PTPRD: variants seen among roughly 807,000 people sequenced by gnomAD.
PTPRD encodes the protein protein tyrosine phosphatase receptor type D.
PTPRD carries 34 observed loss-of-function variants against 214.5 expected under a neutral mutation model. The observed-to-expected ratio is 0.16, with a 90% CI of 0.12 to 0.21. The LOEUF (loss-of-function observed/expected upper bound fraction) is 0.21. Ranked by LOEUF, PTPRD falls within the 10% of genes least tolerant of loss-of-function variation. The pLI, the probability that PTPRD is intolerant of heterozygous loss-of-function variation, is 1.00. For synonymous variants in PTPRD, 1,128 were observed against 845.7 expected, an observed-to-expected ratio of 1.33 and a Z score of -5.79; for missense variants, 2,545 against 2,398.7, an observed-to-expected ratio of 1.06 and a Z score of -1.27.
At chr9:9,982,718 G>C (rs559309636) in intron 4 of PTPRD, among the ~76,000 whole-genome samples, 1 of 151,846 alleles carries the variant, frequency 6.6e-6, no homozygotes, top group Non-Finnish European at 1.5e-5. Context: ...GATGCTATCT[G>C]TTAAGGTCTC....
chr9:10,103,838 G>T (rs900497242), intron 3 of PTPRD, among the ~76,000 whole-genome samples: 2 of 151,550 alleles, frequency 1.3e-5, no homozygotes, highest in African/African-American at 2.4e-5. Context: ...ATTAAAAGTG[G>T]AGTTAAAGAA....
Position 9,066,738 on chromosome 9 carries a change from A to G in PTPRD, c.-142-48003T>C, listed in dbSNP as rs916359305. Among the ~76,000 whole-genome samples, 23 of 152,332 alleles carry G rather than the reference A, an allele frequency of 1.5e-4. 1 individual carries two copies. The Middle Eastern group carries it at 0.014, about 90-fold the overall frequency. ...AGGCAGAGATTGAAATGATACAGCC[A>G]TAAGCCCGACCATGGGGTAGCTATC... On this transcript the variant is annotated intron_variant, in intron 10 of 45. Coordinates refer to ENST00000381196, the MANE Select transcript of PTPRD (RefSeq NM_002839.4).
At position 9,403,065 on chromosome 9, in the gene PTPRD, G is replaced by A. The variant is rs540081863; in HGVS notation, c.-236-5583C>T. Among the ~76,000 whole-genome samples, 5 of 150,642 alleles carry A rather than the reference G, an allele frequency of 3.3e-5. No homozygotes were observed. In the East Asian group the frequency reaches 9.8e-4, roughly 30 times the overall value. ...AGCACTTTGGCAGCCAAAGGCGAGT[G>A]GATCACTTGAGGTTAGAAATTCAAG... On this transcript the variant is annotated intron_variant, in intron 8 of 45. Transcript: ENST00000381196.
chr9:9,979,373 T>G (rs2095465649), intron 4 of PTPRD, among the ~76,000 whole-genome samples: 1 of 152,086 alleles, frequency 6.6e-6, no homozygotes, highest in African/African-American at 2.4e-5. Flanking sequence ...TTTTAAAATT[T>G]AACAGTTAAG....
chr9:9,047,216 A>T (rs1487626537), intron 10 of PTPRD, among the ~76,000 whole-genome samples: 1 of 152,136 alleles, frequency 6.6e-6, no homozygotes, highest in Non-Finnish European at 1.5e-5. Context: ...AAATCTCTAT[A>T]ATGAAAACTA....
intron 26 of PTPRD, among the ~76,000 whole-genome samples, chr9:8,496,952 G>C (rs965377351): frequency 6.6e-6 from 1 of 152,138 alleles, no homozygotes; most frequent in Non-Finnish European, 1.5e-5. Context: ...CAACACCCCT[G>C]TGTTTTAAAG....
At chr9:9,743,663 G>A (rs1016425509) in intron 6 of PTPRD, among the ~76,000 whole-genome samples, 2 of 149,468 alleles carry the variant, frequency 1.3e-5, no homozygotes, top group Non-Finnish European at 3.0e-5. Context: ...GACAGAAGAA[G>A]AAATGAAAAC....
At chr9:8,535,438 A>G (rs2076696943) in intron 14 of PTPRD, among the ~76,000 whole-genome samples, 2 of 151,962 alleles carry the variant, frequency 1.3e-5, no homozygotes, top group Non-Finnish European at 2.9e-5. Context: ...TTGATTAATC[A>G]ACAGTACAAA....
intron 11 of PTPRD, among the ~76,000 whole-genome samples, chr9:8,798,573 A>C (rs2096496628): frequency 6.6e-6 from 1 of 152,224 alleles, no homozygotes; most frequent in Admixed American, 6.5e-5. Flanking sequence ...TGCATTCAAA[A>C]GCTAGTATAC....
At chr9:9,843,643 C>T (rs536163585) in intron 5 of PTPRD, among the ~76,000 whole-genome samples, 37 of 151,962 alleles carry the variant, frequency 2.4e-4, no homozygotes, top group African/African-American at 8.9e-4. Flanking sequence ...ATAAAAGTAA[C>T]AGCAATAGAT....
At chr9:8,351,035 G>T (rs113505814) in intron 39 of PTPRD, among the ~76,000 whole-genome samples, 64 of 152,274 alleles carry the variant, frequency 4.2e-4, no homozygotes, top group African/African-American at 1.5e-3. Flanking sequence ...TTGTAGCATT[G>T]TTGATGTAGC....
intron 11 of PTPRD, among the ~76,000 whole-genome samples, chr9:8,976,008 T>C (rs1541935): frequency 0.44 from 66,885 of 151,784 alleles, 14,900 homozygotes; most frequent in South Asian, 0.56. Context: ...TTGCCATTAC[T>C]GTAAAACATC....
chr9:9,662,664 G>GT (rs2096643036), intron 7 of PTPRD, among the ~76,000 whole-genome samples: 1 of 151,540 alleles, frequency 6.6e-6, no homozygotes, highest in Admixed American at 6.6e-5. Context: ...TCAGTACAAA[G>GT]TAAGATTCCT....
At chr9:8,739,998 T>C (rs1259461613) in intron 11 of PTPRD, among the ~76,000 whole-genome samples, 1 of 152,184 alleles carries the variant, frequency 6.6e-6, no homozygotes, top group Non-Finnish European at 1.5e-5. Context: ...CTTTTTTTCT[T>C]CCCAGTGTCT....
At chr9:10,189,391 G>A (rs944540807) in intron 3 of PTPRD, among the ~76,000 whole-genome samples, 1 of 152,032 alleles carries the variant, frequency 6.6e-6, no homozygotes, top group African/African-American at 2.4e-5. Flanking sequence ...CCTTACACGG[G>A]GCTATCAGAG....
At chr9:8,522,951 C>T (rs1043615302) in intron 19 of PTPRD, among the ~76,000 whole-genome samples, 5 of 152,092 alleles carry the variant, frequency 3.3e-5, no homozygotes, top group African/African-American at 7.2e-5. Flanking sequence ...GATAAACCTC[C>T]GCTTATTTGA....
At chr9:9,577,294 TG>T (rs2089205361) in intron 7 of PTPRD, among the ~76,000 whole-genome samples, 1 of 152,192 alleles carries the variant, frequency 6.6e-6, no homozygotes, top group Non-Finnish European at 1.5e-5. Flanking sequence ...CTGGGCATGG[TG>T]GCTAATGTCT....
chr9:9,375,733 G>A (rs2060604746), intron 9 of PTPRD, among the ~76,000 whole-genome samples: 1 of 152,146 alleles, frequency 6.6e-6, no homozygotes, highest in African/African-American at 2.4e-5. Flanking sequence ...ACTCACATGA[G>A]GTATCTGGAA....
intron 9 of PTPRD, among the ~76,000 whole-genome samples, chr9:9,348,345 G>C (rs1016440201): frequency 6.6e-6 from 1 of 151,966 alleles, no homozygotes; most frequent in Non-Finnish European, 1.5e-5. Context: ...CAAATGTCTT[G>C]GCTTTCCTCC....
Sources: allele counts gnomAD v4.1 joint callset (sites outside exome capture counted in the v4.1 genomes callset), GRCh38; gene constraint gnomAD v4.1.1; transcripts MANE v1.5; gene names NCBI Gene and HGNC (gene_info 2026-07-23, HGNC 2026-07-21).